Variants in MAN1A1 observed in about 807,000 individuals in gnomAD.
MAN1A1 encodes the protein mannosidase alpha class 1A member 1.
In MAN1A1, 29 loss-of-function variants were observed where a neutral mutation model predicts 70.8. The ratio of observed to expected loss-of-function variants is 0.41; its 90% CI spans 0.31 to 0.56. The LOEUF (loss-of-function observed/expected upper bound fraction) is 0.56. Among genes scored for constraint, MAN1A1 ranks in the 20% least tolerant of loss-of-function variants. The pLI is 0.29. For synonymous variants in MAN1A1, 349 were observed against 330.1 expected (o/e 1.06, Z -0.62); for missense variants, 747 against 841.3 (o/e 0.89, Z 1.39).
At chr6:119,181,803 A>C (rs1019266037) in intron 11 of MAN1A1, among the ~76,000 whole-genome samples, 3 of 152,188 alleles carry the variant, frequency 2.0e-5, no homozygotes, top group Non-Finnish European at 4.4e-5. Flanking sequence ...ATGTTTTGAT[A>C]TACACTACTT....
intron 2 of MAN1A1, among the ~76,000 whole-genome samples, chr6:119,334,135 AC>A (rs879502658): frequency 2.0e-5 from 3 of 152,200 alleles, no homozygotes; most frequent in Non-Finnish European, 4.4e-5. Flanking sequence ...AATTTTAGAA[AC>A]ATTTGACAAG....
chr6:119,282,427 T>C (rs1319914372), intron 5 of MAN1A1, among the ~76,000 whole-genome samples: 2 of 152,222 alleles, frequency 1.3e-5, no homozygotes, highest in East Asian at 1.9e-4. Context: ...CTAAAGTATG[T>C]GTTGTTTTTG....
Position 119,316,922 on chromosome 6 carries a change from T to C in MAN1A1, c.604-9930A>G, listed in dbSNP as rs553060187. Among the ~76,000 whole-genome samples, 3 of 151,464 alleles carry C rather than the reference T, an allele frequency of 2.0e-5. No homozygotes were observed. The South Asian group carries it at 6.2e-4, about 31-fold the overall frequency. ...AGCAAAGTCAGATATAGTTACCTTTTTAAATTACATTTTTTTATTATTATT... is the reference window on the plus strand; with the variant it reads ...AGCAAAGTCAGATATAGTTACCTTTCTAAATTACATTTTTTTATTATTATT... On this transcript the variant is annotated intron_variant, in intron 2 of 12. Coordinates refer to ENST00000368468, the MANE Select transcript of MAN1A1 (RefSeq NM_005907.4).
chr6:119,299,155 T>C (rs1448601586), intron 4 of MAN1A1, among the ~76,000 whole-genome samples: 1 of 152,060 alleles, frequency 6.6e-6, no homozygotes, highest in Non-Finnish European at 1.5e-5. Context: ...TGGGTGAATA[T>C]AAGACAAATT....
At chr6:119,217,773 C>T (rs893251682) in intron 6 of MAN1A1, among the ~76,000 whole-genome samples, 1 of 152,150 alleles carries the variant, frequency 6.6e-6, no homozygotes, top group African/African-American at 2.4e-5. Context: ...ATTCCTCCTG[C>T]GCCTCCAACC....
At chr6:119,347,218 CAA>C (rs1392102880) in intron 2 of MAN1A1, among the ~76,000 whole-genome samples, 1 of 152,144 alleles carries the variant, frequency 6.6e-6, no homozygotes, top group African/African-American at 2.4e-5. Context: ...TCTTATAATA[CAA>C]AGTCACAAAT....
chr6:119,206,118 T>G (rs1200886561), intron 6 of MAN1A1, among the ~76,000 whole-genome samples: 1 of 152,122 alleles, frequency 6.6e-6, no homozygotes, highest in Non-Finnish European at 1.5e-5. Context: ...GATGAGAATC[T>G]GGGCAAGGGA....
chr6:119,193,943 T>C, intron 8 of MAN1A1, 51 bp from the exon 9 acceptor site: 1 of 1,180,000 alleles, frequency 8.5e-7, no homozygotes, highest in Non-Finnish European at 1.3e-6. Flanking sequence ...TTAATTCAGA[T>C]AATGCAGCAA....
At chr6:119,223,860 A>ATG (rs1774433446) in intron 6 of MAN1A1, among the ~76,000 whole-genome samples, 1 of 152,168 alleles carries the variant, frequency 6.6e-6, no homozygotes, top group Non-Finnish European at 1.5e-5. Context: ...ATATATATAT[A>ATG]TTATAAAACT....
intron 5 of MAN1A1, among the ~76,000 whole-genome samples, chr6:119,280,340 CCT>C (rs1355829855): frequency 6.6e-6 from 1 of 152,214 alleles, no homozygotes; most frequent in African/African-American, 2.4e-5. Context: ...ACACTCTGTG[CCT>C]CTGTTTCTTC....
intron 5 of MAN1A1, among the ~76,000 whole-genome samples, chr6:119,252,792 AAAAAAAAAT>A (rs1454432219): frequency 6.6e-6 from 1 of 150,746 alleles, no homozygotes; most frequent in Non-Finnish European, 1.5e-5. Flanking sequence ...CTCTTGTCTC[AAAAAAAAAT>A]AAAAAAAATA....
chr6:119,242,528 G>A (rs1324940720), intron 6 of MAN1A1, among the ~76,000 whole-genome samples: 1 of 151,932 alleles, frequency 6.6e-6, no homozygotes, highest in African/African-American at 2.4e-5. Flanking sequence ...TCCACGAAAG[G>A]ACATCAGAAC....
At chr6:119,240,784 G>T (rs1476645547) in intron 6 of MAN1A1, among the ~76,000 whole-genome samples, 1 of 152,212 alleles carries the variant, frequency 6.6e-6, no homozygotes, top group Non-Finnish European at 1.5e-5. Context: ...TTGCTATCCT[G>T]TTATAACTGT....
Position 119,179,856 on chromosome 6 carries a change from G to A in MAN1A1, c.1925C>T (p.Pro642Leu). ...NSEAHLLPIL[P>L]KDKKEVEIRE... ...GATTTCAACTTCCTTTTTATCTTTA[G>A]GGAGGATAGGGAGAAGATGTGCCTC... The change falls in exon 13 of 13, where the codon CCT becomes CTT. Residue 642 changes from proline (P) to leucine (L), a missense_variant. Physicochemically the swap from Pro to Leu is moderately conservative, Grantham distance 98. Coordinates refer to ENST00000368468, the MANE Select transcript of MAN1A1 (RefSeq NM_005907.4). 6.2e-7 allele frequency: 1 copy of A among 1,612,840 alleles called. No individual in the cohort carries two copies. Among genetic ancestry groups the A allele is most frequent in the Non-Finnish European group, 8.5e-7 (1 of 1,178,962 alleles).
rs940743192 is a variant in MAN1A1, at chr6:119,232,711, GTGTGTGTA to G, written c.992+15541_992+15548del. On this transcript the variant is annotated intron_variant, in intron 6 of 12. Transcript: ENST00000368468. ...TGTGTGTGTGTGTGTGTGTGTGTGT[GTGTGTGTA>G]TATTTGGAAATCCTTGTAGGCTATA... Among the ~76,000 whole-genome samples the G allele has an allele frequency of 4.3e-4, 59 of 137,074 alleles. 1 individual carries two copies. Among genetic ancestry groups the G allele is most frequent in the Middle Eastern group, 7.5e-3 (2 of 268 alleles). 89.9% of individuals were successfully genotyped at this position (137,074 alleles called of 152,430 possible).
At chr6:119,311,997 T>A (rs938205223) in intron 2 of MAN1A1, among the ~76,000 whole-genome samples, 4 of 152,156 alleles carry the variant, frequency 2.6e-5, no homozygotes, top group African/African-American at 9.7e-5. Flanking sequence ...CAGCCTGCAG[T>A]GAGGAAATAA....
intron 6 of MAN1A1, among the ~76,000 whole-genome samples, chr6:119,209,991 A>C (rs1281328622): frequency 7.4e-6 from 1 of 134,642 alleles, no homozygotes; most frequent in Non-Finnish European, 1.6e-5. Context: ...GGGCCAAAAT[A>C]ATGTTTAAAA....
intron 2 of MAN1A1, among the ~76,000 whole-genome samples, chr6:119,336,636 C>T (rs923700239): frequency 2.6e-5 from 4 of 152,104 alleles, no homozygotes; most frequent in Non-Finnish European, 5.9e-5. Context: ...AAATAGAAAA[C>T]CAAGCTTCTT....
chr6:119,233,114 T>G (rs1420203276), intron 6 of MAN1A1, among the ~76,000 whole-genome samples: 1 of 152,174 alleles, frequency 6.6e-6, no homozygotes, highest in Non-Finnish European at 1.5e-5. Context: ...TAGCAAAAAT[T>G]TTGGATACTA....
Sources: gnomAD v4.1 joint callset for allele counts (sites outside exome capture counted in the v4.1 genomes callset) on GRCh38, gnomAD v4.1.1 for gene constraint, MANE v1.5 for transcripts, NCBI Gene and HGNC (gene_info 2026-07-23, HGNC 2026-07-21) for gene names.